The following SBK1 variants were observed in gnomAD, a reference collection of about 807,000 sequenced individuals.
SBK1 encodes SH3 domain binding kinase 1.
Under a neutral mutation model 24.4 loss-of-function variants are expected in SBK1, and 11 were observed. The ratio of observed to expected loss-of-function variants is 0.45; its 90% CI spans 0.28 to 0.75. The LOEUF is 0.75. Ranked by LOEUF, SBK1 falls within the 30% of genes least tolerant of loss-of-function variation. SBK1 has a pLI of 0.12. For synonymous variants in SBK1, 308 were observed against 284.4 expected, an observed-to-expected ratio of 1.08 and a Z score of -0.83; for missense variants, 467 against 620.5, an observed-to-expected ratio of 0.75 and a Z score of 2.63.
intron 1 of SBK1, among the ~76,000 whole-genome samples, chr16:28,264,170 A>G (rs1027491033): frequency 6.6e-6 from 1 of 152,182 alleles, no homozygotes; most frequent in Non-Finnish European, 1.5e-5. Context: ...CATTGGAGAC[A>G]AATCCACAGA....
At chr16:28,281,047 C>T (rs996417221) in intron 1 of SBK1, among the ~76,000 whole-genome samples, 8 of 152,052 alleles carry the variant, frequency 5.3e-5, no homozygotes, top group African/African-American at 1.4e-4. Context: ...CCAGTGGCGA[C>T]CTTGGTGACC....
At chr16:28,266,222 C>T (rs749928364) in intron 1 of SBK1, among the ~76,000 whole-genome samples, 3 of 151,874 alleles carry the variant, frequency 2.0e-5, no homozygotes, top group Non-Finnish European at 4.4e-5. Context: ...TAAAAATTAC[C>T]TGGGCATAGT....
chr16:28,277,885 T>C (rs1461716272), intron 1 of SBK1, among the ~76,000 whole-genome samples: 2 of 152,218 alleles, frequency 1.3e-5, no homozygotes, highest in Non-Finnish European at 2.9e-5. Flanking sequence ...CGTGTTGTGC[T>C]CACATATGCG....
At chr16:28,308,375 TCCTGATCTCA>T (rs2044730846) in intron 1 of SBK1, among the ~76,000 whole-genome samples, 1 of 142,618 alleles carries the variant, frequency 7.0e-6, no homozygotes, top group Admixed American at 7.2e-5. Context: ...GGTCTCAAAC[TCCTGATCTCA>T]AGTGATCTGC....
intron 1 of SBK1, among the ~76,000 whole-genome samples, chr16:28,263,413 C>A (rs191379253): frequency 6.6e-6 from 1 of 152,294 alleles, no homozygotes; most frequent in Admixed American, 6.5e-5. Flanking sequence ...GATATTTCAT[C>A]TAAGACCTAG....
At chr16:28,310,356 C>T (rs2044745925) in intron 1 of SBK1, among the ~76,000 whole-genome samples, 1 of 152,192 alleles carries the variant, frequency 6.6e-6, no homozygotes, top group Non-Finnish European at 1.5e-5. Context: ...CAGGGACGAC[C>T]AATGACGAAA....
chr16:28,272,619 C>CTTTTTTTTT lies in SBK1; in HGVS notation c.257+13129_257+13137dup, dbSNP rs71140961. Among the ~76,000 whole-genome samples, 255 of 105,984 alleles carry CTTTTTTTTT rather than the reference C, an allele frequency of 2.4e-3. 1 individual carries two copies. The highest frequency in any genetic ancestry group is 6.8e-3 in the Middle Eastern group (1 of 148). 69.5% of individuals were successfully genotyped at this position (105,984 alleles called of 152,430 possible). Reference sequence around the variant, plus strand: ...ATTTTTTTTCTTTCTTTCTTTCTTTCTTTTTTTTTTTTTTTTTTTTGAGAC... The same window carrying CTTTTTTTTT: ...ATTTTTTTTCTTTCTTTCTTTCTTTCTTTTTTTTTTTTTTTTTTTTTTTTTTTTTGAGAC... On this transcript the variant is annotated intron_variant, in intron 1 of 3. Coordinates refer to the SBK1 transcript ENST00000671413.
chr16:28,272,619 C>CTTTTTTTTTTTTTTT (rs71140961), intron 1 of SBK1, among the ~76,000 whole-genome samples: 14 of 105,966 alleles, frequency 1.3e-4, no homozygotes, highest in Admixed American at 2.2e-4. Flanking sequence ...TTCTTTCTTT[C>CTTTTTTTTTTTTTTT]TTTTTTTTTT....
chr16:28,299,763 G>A (rs1049911404), intron 1 of SBK1, among the ~76,000 whole-genome samples: 3 of 152,240 alleles, frequency 2.0e-5, no homozygotes, highest in Non-Finnish European at 4.4e-5. Flanking sequence ...TTCAGGAAGG[G>A]TTTGTTCAGG....
chr16:28,261,077 G>A (rs1402189382), intron 1 of SBK1, among the ~76,000 whole-genome samples: 1 of 152,082 alleles, frequency 6.6e-6, no homozygotes, highest in African/African-American at 2.4e-5. Context: ...CGCTGAGCCG[G>A]GGACCTGACC....
At chr16:28,295,982 A>G (rs1197340421) in intron 1 of SBK1, among the ~76,000 whole-genome samples, 2 of 146,532 alleles carry the variant, frequency 1.4e-5, no homozygotes, top group African/African-American at 5.1e-5. Context: ...CTGGAGTGTA[A>G]TGGCGAGATC....
At chr16:28,283,080 G>A (rs1486322514) in intron 1 of SBK1, among the ~76,000 whole-genome samples, 2 of 151,944 alleles carry the variant, frequency 1.3e-5, no homozygotes, top group African/African-American at 4.8e-5. Context: ...TTACAGGTGT[G>A]CACCACCACA....
chr16:28,282,388 C>G (rs141205414), intron 1 of SBK1, among the ~76,000 whole-genome samples: 3 of 152,108 alleles, frequency 2.0e-5, no homozygotes, highest in Non-Finnish European at 4.4e-5. Context: ...CCAGCTGGCT[C>G]TCAGCTCACT....
rs1373587347 is a variant in SBK1 at position 28,261,684 on chromosome 16, T to C, written c.257+2182T>C. The stretch of plus-strand genomic sequence containing the variant: ...TAATCTGAGTTGAATTGTTAAAAAA[T>C]ACTACACTCCCAGACCCTGCATCGG... On this transcript the variant is annotated intron_variant, in intron 1 of 3. Transcript: ENST00000671413. Among the ~76,000 whole-genome samples the C allele has an allele frequency of 2.0e-5, 3 of 152,156 alleles. No individual in the cohort carries two copies. In the East Asian group the frequency reaches 5.8e-4, roughly 29 times the overall value.
chr16:28,298,379 C>T (rs1183610245), intron 1 of SBK1, among the ~76,000 whole-genome samples: 5 of 152,200 alleles, frequency 3.3e-5, no homozygotes, highest in African/African-American at 9.6e-5. Flanking sequence ...GACAGCACCA[C>T]GTTAACCCCA....
Position 28,296,988 on chromosome 16 carries a change from C to T in SBK1, c.-8+3688C>T, listed in dbSNP as rs565213673. Among the ~76,000 whole-genome samples the T allele has an allele frequency of 3.9e-4, 59 of 152,222 alleles. 1 individual carries two copies. In the South Asian group the frequency reaches 0.01, roughly 26 times the overall value. On this transcript the variant is annotated intron_variant, in intron 1 of 3. Transcript: ENST00000341901. ...TTTCTAGGACTAAGTCCAAGCTGGTCTAAGTTTTGGTCAGGCAGGAGAGCT... is the reference window on the plus strand; with the variant it reads ...TTTCTAGGACTAAGTCCAAGCTGGTTTAAGTTTTGGTCAGGCAGGAGAGCT...
intron 1 of SBK1, among the ~76,000 whole-genome samples, chr16:28,313,342 G>C (rs1298953390): frequency 6.6e-6 from 1 of 151,528 alleles, no homozygotes; most frequent in African/African-American, 2.4e-5. Context: ...TGGGTGCGGT[G>C]GTTCACACCT....
In SBK1 at chr16:28,318,888, C is replaced by G. The variant is rs534842635; in HGVS notation, c.227-107C>G. The G allele has an allele frequency of 2.2e-5, 18 of 820,366 alleles. No individual in the cohort carries two copies. In the African/African-American group the frequency reaches 3.0e-4, roughly 14 times the overall value. 50.8% of individuals were successfully genotyped at this position (820,366 alleles called of 1,614,324 possible). A position where few individuals can be genotyped will look rare whatever the true frequency, so the allele number is the denominator to read the frequency against. ...CATCCGTGAGATGAGGACAGTCATG[C>G]CTGCTGGGGACCCTGTTGCACCAGG... On this transcript the variant is annotated intron_variant, in intron 2 of 3. Coordinates refer to ENST00000341901, the MANE Select transcript of SBK1 (RefSeq NM_001024401.3).
At chr16:28,314,149 G>GTTA (rs71389548) in intron 1 of SBK1, among the ~76,000 whole-genome samples, 67 of 149,056 alleles carry the variant, frequency 4.5e-4, no homozygotes, top group African/African-American at 9.1e-4. Context: ...CGTTATTATT[G>GTTA]TTATTATTAT....
Sources: allele counts gnomAD v4.1 joint callset (sites outside exome capture counted in the v4.1 genomes callset), GRCh38; gene constraint gnomAD v4.1.1; transcripts MANE v1.5; gene names NCBI Gene and HGNC (gene_info 2026-07-23, HGNC 2026-07-21).